The following OXSR1 variants were observed in gnomAD, a reference collection of about 807,000 sequenced individuals.
OXSR1 encodes the protein oxidative stress responsive kinase 1.
In OXSR1, 24 loss-of-function variants were observed where a neutral mutation model predicts 79.8. The ratio of observed to expected loss-of-function variants is 0.30; its 90% CI spans 0.22 to 0.42. The LOEUF is 0.42. OXSR1 is among the 10% of genes least tolerant of loss of function. The pLI, the probability that OXSR1 is intolerant of heterozygous loss-of-function variation, is 1.00. For missense variants in OXSR1, 430 were observed against 618.4 expected (o/e 0.70, Z 3.23); for synonymous variants, 226 against 209.2 (o/e 1.08, Z -0.69).
At chr3:38,227,545 C>CCACACACACACA (rs58097834) in intron 8 of OXSR1, among the ~76,000 whole-genome samples, 47 of 138,424 alleles carry the variant, frequency 3.4e-4, no homozygotes, top group African/African-American at 1.1e-3. Context: ...GTATGCACAT[C>CCACACACACACA]CACACACACA....
chr3:38,234,693 A>T (rs572215338), intron 10 of OXSR1, among the ~76,000 whole-genome samples: 37 of 152,230 alleles, frequency 2.4e-4, no homozygotes, highest in Non-Finnish European at 4.3e-4. Context: ...AGTTCCTCAG[A>T]AGCCTAAACA....
intron 1 of OXSR1, 23 bp downstream of exon 1, chr3:38,165,969 G>C: frequency 2.5e-6 from 4 of 1,600,866 alleles, no homozygotes; most frequent in South Asian, 1.1e-5. Flanking sequence ...GCTGCGGAGG[G>C]GGGAGGCGCG....
chr3:38,236,354 G>T (rs754609966), intron 10 of OXSR1, among the ~76,000 whole-genome samples: 1 of 152,158 alleles, frequency 6.6e-6, no homozygotes, highest in Non-Finnish European at 1.5e-5. Context: ...AAAATGAGTT[G>T]AAAGTGGTTG....
intron 4 of OXSR1, among the ~76,000 whole-genome samples, chr3:38,215,778 G>A (rs1391212843): frequency 6.6e-6 from 1 of 151,994 alleles, no homozygotes; most frequent in Non-Finnish European, 1.5e-5. Context: ...TAATTCATTG[G>A]GGTATAGAAA....
Position 38,223,877 on chromosome 3 carries a change from A to G in OXSR1, c.666A>G (p.Thr222=), listed in dbSNP as rs1200563186. ...SFGITAIELA[T]GAAPYHKYPP... ...GAATTACAGCAATTGAATTGGCTAC[A>G]GGGGCGGCTCCTTATCATAAATATC... The change falls in exon 7 of 18, where the codon ACA becomes ACG. Residue 222 remains threonine, a synonymous_variant. Coordinates refer to ENST00000311806, the MANE Select transcript of OXSR1 (RefSeq NM_005109.3). 6.2e-7 allele frequency: 1 copy of G among 1,608,914 alleles called. No homozygotes were observed. The highest frequency in any genetic ancestry group is 1.1e-5 in the South Asian group (1 of 90,586).
chr3:38,208,730 G>C (rs1702318501), intron 4 of OXSR1, among the ~76,000 whole-genome samples: 1 of 152,106 alleles, frequency 6.6e-6, no homozygotes, highest in African/African-American at 2.4e-5. Flanking sequence ...GTGAAACCCT[G>C]TCTCTACTAA....
chr3:38,194,126 A>G (rs1702032609), intron 3 of OXSR1, among the ~76,000 whole-genome samples: 2 of 152,226 alleles, frequency 1.3e-5, no homozygotes, highest in African/African-American at 4.8e-5. Context: ...GAATAAAGCT[A>G]TCAGATTCTT....
chr3:38,222,134 T>G (rs564726261), intron 6 of OXSR1, among the ~76,000 whole-genome samples: 1 of 152,260 alleles, frequency 6.6e-6, no homozygotes, highest in East Asian at 1.9e-4. Context: ...ACCCTGTTGG[T>G]GAGGGAAGGA....
Position 38,165,697 on chromosome 3 carries a change from C to T in OXSR1, c.-180C>T, listed in dbSNP as rs1169360187. The T allele has an allele frequency of 7.2e-6, 4 of 557,266 alleles. No homozygotes were observed. Among genetic ancestry groups the T allele is most frequent in the African/African-American group, 2.0e-5 (1 of 49,368 alleles). The allele number at this position is 557,266 out of a possible 1,614,324, so 34.5% of individuals were successfully genotyped here. On this transcript the variant is annotated 5_prime_UTR_variant, in exon 1 of 18. Transcript: ENST00000311806. Reference sequence around the variant, plus strand: ...GCGAGGTCCGCCGGAGCTCTGAGCCCCCGCTGCTCTGCCGCGCGGTGACCC... The same window carrying T: ...GCGAGGTCCGCCGGAGCTCTGAGCCTCCGCTGCTCTGCCGCGCGGTGACCC...
At chr3:38,167,163 A>G (rs1320864131) in intron 1 of OXSR1, among the ~76,000 whole-genome samples, 2 of 152,200 alleles carry the variant, frequency 1.3e-5, no homozygotes, top group Admixed American at 6.5e-5. Flanking sequence ...AGGCCCTCAA[A>G]TAGTGCCTTG....
At position 38,166,067 on chromosome 3, in the gene OXSR1, G is replaced by A. The variant is rs551102071; in HGVS notation, c.70+121G>A. ...CATAGGAATTCGTGGGGCGCTTGTG[G>A]GGCTGGGGGCTTGTAGGACGCTTGT... On this transcript the variant is annotated intron_variant, in intron 1 of 17. Coordinates refer to ENST00000311806, the MANE Select transcript of OXSR1 (RefSeq NM_005109.3). 18 of 876,544 alleles carry A rather than the reference G, an allele frequency of 2.1e-5. No homozygotes were observed. In the African/African-American group the frequency reaches 2.1e-4, roughly 10 times the overall value. The allele number at this position is 876,544 out of a possible 1,614,324, so 54.3% of individuals were successfully genotyped here.
intron 16 of OXSR1, among the ~76,000 whole-genome samples, chr3:38,251,928 T>C (rs1282840324): frequency 6.6e-6 from 1 of 152,206 alleles, no homozygotes; most frequent in Non-Finnish European, 1.5e-5. Context: ...AAAAACCAGA[T>C]AATAAATAGT....
At chr3:38,186,080 ACAGG>A (rs1412939160) in intron 2 of OXSR1, among the ~76,000 whole-genome samples, 2 of 152,034 alleles carry the variant, frequency 1.3e-5, no homozygotes. Context: ...TAGACTTTAA[ACAGG>A]CATAGATAGC....
intron 1 of OXSR1, among the ~76,000 whole-genome samples, chr3:38,173,229 A>G (rs575957053): frequency 1.3e-5 from 2 of 152,364 alleles, no homozygotes; most frequent in Admixed American, 1.3e-4. Flanking sequence ...AGAAGGGGAA[A>G]TTGTATGTTT....
chr3:38,234,496 C>T (rs1439046955), intron 10 of OXSR1, among the ~76,000 whole-genome samples: 1 of 152,140 alleles, frequency 6.6e-6, no homozygotes, highest in Non-Finnish European at 1.5e-5. Flanking sequence ...TGAAAAGATA[C>T]TCAGTATTAT....
chr3:38,182,982 C>T (rs1284978848), intron 1 of OXSR1, 21 bp from the exon 2 acceptor site: 3 of 1,336,610 alleles, frequency 2.2e-6, no homozygotes, highest in Non-Finnish European at 3.2e-6. Context: ...CTTATTTACT[C>T]TTTTATGTAT....
intron 8 of OXSR1, among the ~76,000 whole-genome samples, chr3:38,227,178 A>G (rs578080201): frequency 4.0e-4 from 61 of 152,360 alleles, no homozygotes; most frequent in African/African-American, 1.4e-3. Flanking sequence ...AGAACAACCA[A>G]TAAAACAAAA....
At chr3:38,212,642 T>A (rs778864418) in intron 4 of OXSR1, among the ~76,000 whole-genome samples, 1 of 152,254 alleles carries the variant, frequency 6.6e-6, no homozygotes, top group East Asian at 1.9e-4. Context: ...TGTTCTGTAT[T>A]AATGAAAAGT....
chr3:38,207,370 A>T (rs545282167), intron 4 of OXSR1, among the ~76,000 whole-genome samples: 9 of 152,320 alleles, frequency 5.9e-5, no homozygotes, highest in Admixed American at 3.3e-4. Context: ...TCAGGCTCTG[A>T]TTTTATTGCT....
Sources: allele counts gnomAD v4.1 joint callset (sites outside exome capture counted in the v4.1 genomes callset), GRCh38; gene constraint gnomAD v4.1.1; transcripts MANE v1.5; gene names NCBI Gene and HGNC (gene_info 2026-07-23, HGNC 2026-07-21).